The following TSPEAR variants were observed in gnomAD, a reference collection of about 807,000 sequenced individuals.
TSPEAR encodes thrombospondin type laminin G domain and EAR repeats.
TSPEAR carries 69 observed loss-of-function variants against 71.6 expected under a neutral mutation model. The observed-to-expected ratio is 0.96, with a 90% CI of 0.79 to 1.18. TSPEAR has a LOEUF of 1.18. TSPEAR is among the 50% of genes most tolerant of loss of function. TSPEAR has a pLI of 0.00. For missense variants in TSPEAR, 971 were observed against 894.9 expected, an observed-to-expected ratio of 1.09 and a Z score of -1.09; for synonymous variants, 402 against 387.2, an observed-to-expected ratio of 1.04 and a Z score of -0.45.
In TSPEAR at chr21:44,580,544, G is replaced by A. The variant is rs782369654; in HGVS notation, c.83-12539C>T. The A allele has an allele frequency of 1.2e-5, 20 of 1,613,632 alleles. No individual in the cohort carries two copies. Among genetic ancestry groups the A allele is most frequent in the Non-Finnish European group, 1.7e-5 (20 of 1,179,856 alleles). Reference sequence around the variant, plus strand: ...GTCCACTCGCCAGGAGTCAGAGCAAGCGCTGGAGCAGACGGACATGGTGCA... The same window carrying A: ...GTCCACTCGCCAGGAGTCAGAGCAAACGCTGGAGCAGACGGACATGGTGCA... On this transcript the variant is annotated intron_variant, in intron 1 of 11. Transcript: ENST00000323084.
At chr21:44,601,053 T>C in intron 1 of TSPEAR, 1 of 1,612,358 alleles carries the variant, frequency 6.2e-7, no homozygotes, top group Non-Finnish European at 8.5e-7. Flanking sequence ...GCCAGTCAGC[T>C]TGCTGCACCT....
intron 10 of TSPEAR, among the ~76,000 whole-genome samples, chr21:44,507,464 G>A (rs1555912055): frequency 1.3e-5 from 2 of 152,142 alleles, no homozygotes; most frequent in African/African-American, 2.4e-5. Flanking sequence ...CTGGGTAGAA[G>A]GGCTAGGAGT....
intron 2 of TSPEAR, among the ~76,000 whole-genome samples, chr21:44,560,521 C>A (rs1177861301): frequency 2.6e-5 from 4 of 152,216 alleles, no homozygotes; most frequent in Non-Finnish European, 5.9e-5. Context: ...CCCAAATCAA[C>A]AGAAGATACA....
rs781995513 is a variant in TSPEAR, at chr21:44,530,006, G to A, written c.634-52C>T. ...GGCCCGCGCTGCTGGGGAAGGACCC[G>A]CTGAGGAGGCGACCACTGAGCTTGG... On this transcript the variant is annotated intron_variant, in intron 4 of 11. Coordinates refer to ENST00000323084, the MANE Select transcript of TSPEAR (RefSeq NM_144991.3). 43 of 1,479,316 alleles carry A rather than the reference G, an allele frequency of 2.9e-5. No individual in the cohort carries two copies. In the South Asian group the frequency reaches 4.4e-4, roughly 15 times the overall value. 91.6% of individuals were successfully genotyped at this position (1,479,316 alleles called of 1,614,324 possible).
At chr21:44,531,407 C>G (rs1555915757) in intron 3 of TSPEAR, among the ~76,000 whole-genome samples, 1 of 152,204 alleles carries the variant, frequency 6.6e-6, no homozygotes, top group Non-Finnish European at 1.5e-5. Flanking sequence ...GACCTGTGGC[C>G]ATGTCGCTCC....
chr21:44,632,936 G>A (rs1359644011), intron 1 of TSPEAR, among the ~76,000 whole-genome samples: 1 of 152,120 alleles, frequency 6.6e-6, no homozygotes, highest in African/African-American at 2.4e-5. Context: ...ATTACATCTA[G>A]GTTATCTACA....
At chr21:44,564,372 A>G (rs1390095007) in intron 2 of TSPEAR, among the ~76,000 whole-genome samples, 1 of 152,240 alleles carries the variant, frequency 6.6e-6, no homozygotes, top group Admixed American at 6.5e-5. Flanking sequence ...ACAAGATGTA[A>G]TAGATACTCT....
chr21:44,558,813 G>T, intron 2 of TSPEAR: 2 of 1,464,882 alleles, frequency 1.4e-6, no homozygotes, highest in Middle Eastern at 2.5e-4. Flanking sequence ...CCTCTGAGTG[G>T]TCGGAACCTT....
chr21:44,706,117 T>A (rs180797598), intron 1 of TSPEAR, among the ~76,000 whole-genome samples: 5 of 152,312 alleles, frequency 3.3e-5, no homozygotes, highest in African/African-American at 9.6e-5. Flanking sequence ...CGAGGCCTAG[T>A]GCGAGCACAG....
intron 7 of TSPEAR, 135 bp from the exon 8 acceptor site, chr21:44,525,974 G>GC: frequency 1.2e-6 from 1 of 818,722 alleles, no homozygotes; most frequent in East Asian, 2.5e-5. Flanking sequence ...GAGGACCGAG[G>GC]CCCCCGCATT....
At chr21:44,539,969 G>GTCA in intron 2 of TSPEAR, 1 of 1,613,274 alleles carries the variant, frequency 6.2e-7, no homozygotes, top group African/African-American at 1.3e-5. Flanking sequence ...GGGCTCACAG[G>GTCA]CTGCCTGGCA....
At chr21:44,690,198 C>T (rs921097644) in intron 1 of TSPEAR, among the ~76,000 whole-genome samples, 2 of 152,140 alleles carry the variant, frequency 1.3e-5, no homozygotes, top group Non-Finnish European at 2.9e-5. Flanking sequence ...GAAAAAATAC[C>T]ATAAATGACT....
In TSPEAR at chr21:44,612,494, G is replaced by A. The variant is rs117561023; in HGVS notation, c.83-44489C>T. On this transcript the variant is annotated intron_variant, in intron 1 of 11. Transcript: ENST00000323084. The surrounding 1 kb of genome is among the most constrained non-coding windows in gnomAD (Gnocchi z 4.1). ...CTGCAAGTCCAACTGCTGCAAGCCC[G>A]TGTGCTGCGTGTCCATCTGCTCTGG... is the stretch of plus-strand genomic sequence containing the variant. 4.3e-5 allele frequency: 70 copies of A among 1,610,712 alleles called. 1 individual carries two copies. Among genetic ancestry groups the A allele is most frequent in the Middle Eastern group, 3.3e-4 (2 of 6,048 alleles).
At chr21:44,628,741 G>T (rs1348760406) in intron 1 of TSPEAR, among the ~76,000 whole-genome samples, 1 of 152,210 alleles carries the variant, frequency 6.6e-6, no homozygotes, top group Non-Finnish European at 1.5e-5. Context: ...ACGGGCGGTG[G>T]GGGGTGGGTG....
intron 11 of TSPEAR, among the ~76,000 whole-genome samples, chr21:44,501,761 T>TC (rs1365526232): frequency 1.1e-4 from 17 of 151,672 alleles, no homozygotes; most frequent in African/African-American, 3.4e-4. Flanking sequence ...TGAGACCCTG[T>TC]CCCCCCCAAA....
intron 11 of TSPEAR, among the ~76,000 whole-genome samples, chr21:44,500,544 A>C (rs1555911010): frequency 1.3e-5 from 2 of 152,262 alleles, no homozygotes; most frequent in Admixed American, 6.5e-5. Flanking sequence ...TTAAATAATA[A>C]AGTATGAAAA....
At chr21:44,606,378 G>A (rs991241543) in intron 1 of TSPEAR, among the ~76,000 whole-genome samples, 3 of 152,178 alleles carry the variant, frequency 2.0e-5, no homozygotes, top group Non-Finnish European at 4.4e-5. Flanking sequence ...GCGAACAAGT[G>A]TTAGGGAGGA....
rs957441887 is a variant in TSPEAR at position 44,593,413 on chromosome 21, C to T, written c.83-25408G>A. Among the ~76,000 whole-genome samples, 6 of 152,146 alleles carry T rather than the reference C, an allele frequency of 3.9e-5. No homozygotes were observed. The highest frequency in any genetic ancestry group is 1.9e-4 in the East Asian group (1 of 5,190). On this transcript the variant is annotated intron_variant, in intron 1 of 11. Transcript: ENST00000323084. This position sits in a 1 kb window ranked among gnomAD's most constrained non-coding sequence, Gnocchi z 5.9. ...TTAAGGGACATCTGTCCAAAGAACC[C>T]GCACAGAAGACACAAAATGGGTCCA...
At chr21:44,600,558 G>C in intron 1 of TSPEAR, 1 of 1,544,306 alleles carries the variant, frequency 6.5e-7, no homozygotes, top group Non-Finnish European at 8.8e-7. Flanking sequence ...CCTAACACAC[G>C]GACTCACTCA....
Sources: allele counts gnomAD v4.1 joint callset (sites outside exome capture counted in the v4.1 genomes callset), GRCh38; gene constraint gnomAD v4.1.1; non-coding constraint Gnocchi (gnomAD v3.1); transcripts MANE v1.5; gene names NCBI Gene and HGNC (gene_info 2026-07-23, HGNC 2026-07-21).